Variants in LY75 observed in about 807,000 individuals in gnomAD.
The protein encoded by LY75 is C-type lectin domain family 13 member B.
A neutral mutation model predicts 231.7 loss-of-function variants in LY75; 185 were observed. The observed-to-expected ratio is 0.80, with a 90% CI of 0.71 to 0.90. The LOEUF (loss-of-function observed/expected upper bound fraction) is 0.90. Among genes scored for constraint, LY75 ranks in the 40% least tolerant of loss-of-function variants. LY75 has a pLI of 0.00. For missense variants in LY75, 1,947 were observed against 2,050.2 expected (o/e 0.95, Z 0.97); for synonymous variants, 668 against 689.0 (o/e 0.97, Z 0.48).
At position 159,835,611 on chromosome 2, in the gene LY75, C is replaced by T. The variant is rs774926852; in HGVS notation, c.3542G>A (p.Arg1181His). 15 of 1,613,648 alleles carry T rather than the reference C, an allele frequency of 9.3e-6. No individual in the cohort carries two copies. Among genetic ancestry groups the T allele is most frequent in the East Asian group, 4.5e-5 (2 of 44,864 alleles). ...ELNFGWSDGK[R>H]LHFSRWAETN... Reference sequence around the variant, plus strand: ...TTCAGCCCAGCGACTAAAATGAAGACGTTTCCCATCTGACCAACCAAAGTT... The same window carrying T: ...TTCAGCCCAGCGACTAAAATGAAGATGTTTCCCATCTGACCAACCAAAGTT... The change falls in exon 26 of 35, where the codon CGT becomes CAT. Residue 1181 changes from arginine (R) to histidine (H), a missense_variant. By Grantham distance (29) the Arg-to-His change is conservative. Coordinates refer to ENST00000263636, the MANE Select transcript of LY75 (RefSeq NM_002349.4).
chr2:159,874,678 TA>T, intron 12 of LY75, among the ~76,000 whole-genome samples: 1 of 28,188 alleles, frequency 3.5e-5, no homozygotes, highest in Non-Finnish European at 8.2e-5. Context: ...ATTTTGTAAA[TA>T]TATGTAAATA....
chr2:159,845,908 A>G (rs755869551), intron 23 of LY75, among the ~76,000 whole-genome samples: 24 of 151,986 alleles, frequency 1.6e-4, no homozygotes, highest in Middle Eastern at 3.4e-3. Flanking sequence ...ATGCATACAC[A>G]CACAGTCCTA....
chr2:159,873,349 T>C (rs190946551), intron 12 of LY75, among the ~76,000 whole-genome samples: 42 of 152,280 alleles, frequency 2.8e-4, no homozygotes, highest in Non-Finnish European at 5.3e-4. Context: ...TATGACTTAC[T>C]GTGTTGATGG....
intron 2 of LY75, among the ~76,000 whole-genome samples, chr2:159,896,099 G>A (rs1344521223): frequency 6.6e-6 from 1 of 152,200 alleles, no homozygotes; most frequent in African/African-American, 2.4e-5. Flanking sequence ...AGTTTCAATG[G>A]ATAAAGAGGT....
chr2:159,853,755 A>T (rs189559327), intron 18 of LY75, 58 bp from the exon 19 acceptor site: 17,710 of 1,605,310 alleles, frequency 0.011, 124 homozygotes, highest in Non-Finnish European at 0.014. Context: ...GAGGGTTTTG[A>T]TTCGAATACA....
intron 13 of LY75, 159 bp downstream of exon 13, chr2:159,872,292 G>T: frequency 1.2e-6 from 1 of 824,892 alleles, no homozygotes; most frequent in Non-Finnish European, 1.8e-6. Flanking sequence ...CACATTAAGA[G>T]TGCTTAATGT....
chr2:159,822,799 C>T (rs966394428), intron 28 of LY75, among the ~76,000 whole-genome samples: 2 of 152,208 alleles, frequency 1.3e-5, no homozygotes, highest in Non-Finnish European at 2.9e-5. Context: ...TGCTGTTCTG[C>T]AGCCTCCGTG....
At chr2:159,885,380 T>C (rs1159356684) in intron 5 of LY75, 87 bp from the exon 6 acceptor site, 2 of 1,508,160 alleles carry the variant, frequency 1.3e-6, no homozygotes, top group East Asian at 4.6e-5. Flanking sequence ...TTCCTAATTT[T>C]ATGCTTTTAT....
At chr2:159,826,500 AG>A (rs200339921) in intron 28 of LY75, among the ~76,000 whole-genome samples, 61,681 of 151,678 alleles carry the variant, frequency 0.41, 14,153 homozygotes, top group Non-Finnish European at 0.52. Flanking sequence ...ATGGATAGGT[AG>A]AATCAATATC....
At chr2:159,884,138 G>A (rs1009613976) in intron 6 of LY75, among the ~76,000 whole-genome samples, 9 of 152,130 alleles carry the variant, frequency 5.9e-5, no homozygotes, top group African/African-American at 1.9e-4. Context: ...CTCTTTCTTT[G>A]CCTGCCACCA....
At chr2:159,863,260 G>A (rs1339994095) in intron 14 of LY75, among the ~76,000 whole-genome samples, 8 of 152,094 alleles carry the variant, frequency 5.3e-5, no homozygotes, top group Non-Finnish European at 1.5e-5. Context: ...GAATAGTGCT[G>A]CAGTCACCCT....
At position 159,835,494 on chromosome 2, in the gene LY75, C is replaced by G; in HGVS notation, c.3659G>C (p.Cys1220Ser). ...AATTCACATACTTCCTGAATAGTAG[C>G]AAATAGCACCTGGTTGATTGTCATT... ...DCNDNQPGAI[C>S]YYSGNETEKE... Residue 1220 changes from cysteine (C) to serine (S), a missense_variant, in exon 26 of 35, where the codon TGC becomes TCC. By Grantham distance (112) the Cys-to-Ser change is moderately radical. Transcript: ENST00000263636. 1 of 1,602,818 alleles carries G rather than the reference C, an allele frequency of 6.2e-7. No homozygotes were observed. Among genetic ancestry groups the G allele is most frequent in the Non-Finnish European group, 8.5e-7 (1 of 1,175,728 alleles).
chr2:159,822,483 T>C (rs1326861968), intron 28 of LY75, among the ~76,000 whole-genome samples: 1 of 152,236 alleles, frequency 6.6e-6, no homozygotes, highest in Non-Finnish European at 1.5e-5. Flanking sequence ...CAGATGGCCC[T>C]ATTTCTCCTC....
intron 1 of LY75, among the ~76,000 whole-genome samples, chr2:159,900,730 A>G (rs1686050643): frequency 6.6e-6 from 1 of 152,252 alleles, no homozygotes; most frequent in African/African-American, 2.4e-5. Flanking sequence ...GACAAGAGAA[A>G]CAACAACAGC....
At chr2:159,887,211 T>TCTCACACACACA (rs1553812719) in intron 4 of LY75, among the ~76,000 whole-genome samples, 9 of 129,970 alleles carry the variant, frequency 6.9e-5, no homozygotes, top group African/African-American at 1.7e-4. Context: ...AGAGTGAGAG[T>TCTCACACACACA]CACACACACA....
rs1365786290 is a variant in LY75 at position 159,893,909 on chromosome 2, C to T, written c.637+5G>A. The stretch of plus-strand genomic sequence containing the variant: ...TCCACATAAAATTTACCAGCCCATA[C>T]ATACCAGGCTTTAAGCAGATGCCCC... On this transcript the variant is annotated splice_donor_5th_base_variant and intron_variant, in intron 3 of 34. Coordinates refer to ENST00000263636, the MANE Select transcript of LY75 (RefSeq NM_002349.4). 6.2e-7 allele frequency: 1 copy of T among 1,604,512 alleles called. No homozygotes were observed.
At position 159,816,935 on chromosome 2, in the gene LY75, T is replaced by C. The variant is rs1325591971; in HGVS notation, c.4251A>G (p.Glu1417=). The change falls in exon 30 of 35, where the codon GAA becomes GAG. Residue 1417 remains glutamate (E), a synonymous_variant. Coordinates refer to ENST00000263636, the MANE Select transcript of LY75 (RefSeq NM_002349.4). The part of the protein sequence containing the change: ...SVIQKKVTWY[E]ALNMCSQSGG... ...CACTTTGAGAACACATGTTTAATGC[T>C]TCATACCATGTTACCTTTTTTTGAA... The C allele has an allele frequency of 6.2e-7, 1 of 1,614,084 alleles. No homozygotes were observed.
At chr2:159,819,104 G>C (rs1185823946) in intron 29 of LY75, among the ~76,000 whole-genome samples, 3 of 152,180 alleles carry the variant, frequency 2.0e-5, no homozygotes, top group African/African-American at 7.2e-5. Context: ...CTGCGGCGCT[G>C]TAAGTGAGCC....
At chr2:159,806,256 CA>C (rs776603895) in intron 34 of LY75, among the ~76,000 whole-genome samples, 6 of 152,144 alleles carry the variant, frequency 3.9e-5, no homozygotes, top group Non-Finnish European at 8.8e-5. Context: ...GTCTTGTTCT[CA>C]GGTGCATCCC....
Sources: gnomAD v4.1 joint callset for allele counts (sites outside exome capture counted in the v4.1 genomes callset) on GRCh38, gnomAD v4.1.1 for gene constraint, MANE v1.5 for transcripts, NCBI Gene and HGNC (gene_info 2026-07-23, HGNC 2026-07-21) for gene names.